RBFOX2: variants seen among roughly 807,000 people sequenced by gnomAD.
The protein encoded by RBFOX2 is RNA binding protein fox-1 homolog 2.
A neutral mutation model predicts 49.1 loss-of-function variants in RBFOX2; 10 were observed. The ratio of observed to expected loss-of-function variants is 0.20; its 90% confidence interval spans 0.13 to 0.35. The LOEUF (loss-of-function observed/expected upper bound fraction) is 0.35, where lower values mean the gene tolerates loss of function less well. Among genes scored for constraint, RBFOX2 ranks in the 10% least tolerant of loss-of-function variants. RBFOX2 has a pLI of 1.00. For missense variants in RBFOX2, 323 were observed against 486.9 expected, an observed-to-expected ratio of 0.66 and a Z score of 3.17; for synonymous variants, 183 against 187.4, an observed-to-expected ratio of 0.98 and a Z score of 0.19.
At chr22:35,970,895 T>C (rs1047841925) in intron 1 of RBFOX2, among the ~76,000 whole-genome samples, 4 of 151,648 alleles carry the variant, frequency 2.6e-5, no homozygotes, top group African/African-American at 9.7e-5. Context: ...GATGGCAGAG[T>C]TTCTGTAATC....
intron 1 of RBFOX2, among the ~76,000 whole-genome samples, chr22:35,976,963 C>CA (rs199582145): frequency 0.015 from 856 of 59,012 alleles, 1 homozygote; most frequent in Middle Eastern, 0.031. Flanking sequence ...GACTCCGTCT[C>CA]AAAAAAAAAA....
exon 1 of RBFOX2, chr22:36,028,566 A>C: frequency 1.3e-6 from 1 of 785,544 alleles, no homozygotes. Flanking sequence ...GCGCGAGCGG[A>C]CTCCGCGCCC....
At chr22:36,013,202 G>C (rs1470385636) in intron 1 of RBFOX2, among the ~76,000 whole-genome samples, 1 of 152,024 alleles carries the variant, frequency 6.6e-6, no homozygotes, top group Non-Finnish European at 1.5e-5. Context: ...GAGCCCAGGA[G>C]TTCAAGGTTG....
intron 1 of RBFOX2, among the ~76,000 whole-genome samples, chr22:35,862,969 A>T (rs1008887196): frequency 2.6e-4 from 39 of 152,164 alleles, no homozygotes; most frequent in African/African-American, 8.9e-4. Flanking sequence ...GACATTTAAA[A>T]GAGATTGAGA....
rs562389294 is a variant in RBFOX2, at chr22:35,784,640, C to T, written c.253-2894G>A. Among the ~76,000 whole-genome samples, 13 of 152,376 alleles carry T rather than the reference C, an allele frequency of 8.5e-5. No individual in the cohort carries two copies. The South Asian group carries it at 1.2e-3, about 15-fold the overall frequency. On this transcript the variant is annotated intron_variant, in intron 2 of 11. Coordinates refer to ENST00000405409, the Ensembl canonical transcript of RBFOX2. ...AAGACAGATGCTTGGTGGTCACTAT[C>T]CCCATTCTTCTTCAATCTCATCCTC... is the stretch of plus-strand genomic sequence containing the variant.
At chr22:35,902,729 T>TGACCTCCC (rs1243171161) in intron 1 of RBFOX2, among the ~76,000 whole-genome samples, 2 of 151,720 alleles carry the variant, frequency 1.3e-5, no homozygotes, top group Non-Finnish European at 2.9e-5. Flanking sequence ...ACTGCAGCCT[T>TGACCTCCC]GACCTCCCGG....
chr22:36,002,575 A>G (rs1211307014), intron 1 of RBFOX2, among the ~76,000 whole-genome samples: 1 of 152,256 alleles, frequency 6.6e-6, no homozygotes, highest in East Asian at 1.9e-4. Context: ...CCAGAACATA[A>G]AAGAAACTAC....
intron 1 of RBFOX2, among the ~76,000 whole-genome samples, chr22:35,862,419 G>A (rs932934424): frequency 1.3e-5 from 2 of 151,754 alleles, no homozygotes; most frequent in East Asian, 1.9e-4. Context: ...AAAGGCATCC[G>A]TCTTCCCTAA....
At chr22:35,927,604 CAAAAAAAAAAAAA>C (rs361700) in intron 1 of RBFOX2, among the ~76,000 whole-genome samples, 1 of 49,186 alleles carries the variant, frequency 2.0e-5, no homozygotes, top group Non-Finnish European at 4.0e-5. Context: ...AACTCCGTCT[CAAAAAAAAAAAAA>C]AAAAAAAAAG....
At chr22:35,909,237 C>G (rs1039020058) in intron 1 of RBFOX2, among the ~76,000 whole-genome samples, 3 of 152,104 alleles carry the variant, frequency 2.0e-5, no homozygotes, top group African/African-American at 7.2e-5. Context: ...GTGAGAGGAT[C>G]GCTTGGGGCC....
rs558255100 is a variant in RBFOX2 at position 35,888,630 on chromosome 22, G to A, written c.-34+50217C>T. ...TCTCTGGCTGCTTCCTTCCACTCAT[G>A]GCAGAAAGGGAAGAGGGGTTGAAGT... On this transcript the variant is annotated intron_variant, in intron 1 of 13. Coordinates refer to the RBFOX2 transcript ENST00000359369. Among the ~76,000 whole-genome samples, 33 of 152,246 alleles carry A rather than the reference G, an allele frequency of 2.2e-4. No homozygotes were observed. In the South Asian group the frequency reaches 4.4e-3, roughly 20 times the overall value.
intron 11 of RBFOX2, 102 bp downstream of exon 13, chr22:35,745,821 G>A: frequency 8.4e-7 from 1 of 1,185,598 alleles, no homozygotes; most frequent in Non-Finnish European, 1.2e-6. Context: ...CCTTGATGGT[G>A]GATGAAAGGC....
At chr22:35,768,876 C>T (rs1941839454) in intron 4 of RBFOX2, among the ~76,000 whole-genome samples, 1 of 152,134 alleles carries the variant, frequency 6.6e-6, no homozygotes, top group Non-Finnish European at 1.5e-5. Flanking sequence ...ATTTTAGCCC[C>T]ACGTTGCCTG....
chr22:35,892,226 C>A (rs1336588475), intron 1 of RBFOX2, among the ~76,000 whole-genome samples: 1 of 152,168 alleles, frequency 6.6e-6, no homozygotes, highest in Non-Finnish European at 1.5e-5. Context: ...GAAACTGAGG[C>A]TCAGAGAGGT....
chr22:35,798,051 CT>C, intron 2 of RBFOX2, among the ~76,000 whole-genome samples: 1 of 152,248 alleles, frequency 6.6e-6, no homozygotes, highest in East Asian at 1.9e-4. Context: ...TTTTGACTCA[CT>C]GCAACCTCTG....
At chr22:35,868,700 T>C (rs140168069) in intron 1 of RBFOX2, among the ~76,000 whole-genome samples, 61 of 152,370 alleles carry the variant, frequency 4.0e-4, no homozygotes, top group African/African-American at 1.4e-3. Context: ...ACAAGGCCCA[T>C]GATCTCCTGA....
At chr22:35,995,671 C>T (rs1225888975) in intron 1 of RBFOX2, 1 of 157,882 alleles carries the variant, frequency 6.3e-6, no homozygotes, top group Non-Finnish European at 1.4e-5. Flanking sequence ...TCCTGCTCCA[C>T]CATGGTTAAG....
intron 1 of RBFOX2, among the ~76,000 whole-genome samples, chr22:35,947,500 C>T (rs1306762860): frequency 6.7e-6 from 1 of 150,238 alleles, no homozygotes; most frequent in Non-Finnish European, 1.5e-5. Flanking sequence ...TCTTCCAGCA[C>T]ACGGCATTGT....
chr22:35,835,992 C>T lies in RBFOX2; in HGVS notation c.27+4200G>A, dbSNP rs148602529. On this transcript the variant is annotated intron_variant, in intron 1 of 11. Transcript: ENST00000405409. ...GAACATAAATTCAGTCTCCAACCCA[C>T]AATCCCCGCCTATCCTCCAACTCCC... 6.1e-4 allele frequency among the ~76,000 whole-genome samples: 93 copies of T among 151,910 alleles called. No individual in the cohort carries two copies. In the East Asian group the frequency reaches 0.016, roughly 26 times the overall value.
Sources: gnomAD v4.1 joint callset for allele counts (sites outside exome capture counted in the v4.1 genomes callset) on GRCh38, gnomAD v4.1.1 for gene constraint, MANE v1.5 for transcripts, NCBI Gene and HGNC (gene_info 2026-07-23, HGNC 2026-07-21) for gene names.